Variants in AIRE observed in about 807,000 individuals in gnomAD.
AIRE encodes the protein autoimmune polyendocrinopathy candidiasis ectodermal dystrophy protein.
A neutral mutation model predicts 62.1 loss-of-function variants in AIRE; 52 were observed. That is an observed-to-expected ratio of 0.84 (90% CI 0.67 to 1.06). The LOEUF is 1.06. Among genes scored for constraint, AIRE ranks in the 50% least tolerant of loss-of-function variants. The probability of loss-of-function intolerance (pLI) is 0.00; values close to 1 mark genes in which losing one functional copy is unlikely to be tolerated. For synonymous variants in AIRE, 342 were observed against 321.6 expected (o/e 1.06, Z -0.68); for missense variants, 774 against 755.8 (o/e 1.02, Z -0.28).
rs759665283 is a variant in AIRE at position 44,293,106 on chromosome 21, A to G, written c.1209A>G (p.Ala403=). ...AGCACCTGCCGGCTCCGCCTTCTGCAGCCCCGCTGCCAGGGCTGGACTCCT... is the reference window on the plus strand; with the variant it reads ...AGCACCTGCCGGCTCCGCCTTCTGCGGCCCCGCTGCCAGGGCTGGACTCCT... ...VYKHLPAPPS[A]APLPGLDSSA... is the part of the protein sequence containing the mutation. Residue 403 remains alanine (A), a synonymous_variant, in exon 10 of 14, where the codon GCA becomes GCG. Coordinates refer to ENST00000291582, the MANE Select transcript of AIRE (RefSeq NM_000383.4). 1.2e-6 allele frequency: 2 copies of G among 1,607,598 alleles called. No homozygotes were observed. The highest frequency in any genetic ancestry group is 8.5e-7 in the Non-Finnish European group (1 of 1,177,876).
chr21:44,288,526 G>A (rs1048190979), intron 5 of AIRE, 68 bp downstream of exon 5: 60 of 1,188,760 alleles, frequency 5.0e-5, no homozygotes, highest in African/African-American at 1.2e-4. Context: ...GGAGGACCAC[G>A]CCCCTTTGCA....
Position 44,292,357 on chromosome 21 carries a change from C to A in AIRE, c.1051C>A (p.Arg351=). ...GGCAACAGTCCAGGAGGTGCAGCCC[C>A]GGGCAGAGGAGCCCCGGCCCCAGGA... ...LQATVQEVQP[R]AEEPRPQEPP... Residue 351 remains arginine (R), a synonymous_variant, in exon 9 of 14, where the codon CGG becomes AGG. Transcript: ENST00000291582. 1.3e-6 allele frequency: 2 copies of A among 1,572,298 alleles called. No individual in the cohort carries two copies. The highest frequency in any genetic ancestry group is 2.7e-5 in the African/African-American group (2 of 74,342).
At chr21:44,291,266 A>G (rs1304534084) in intron 8 of AIRE, 56 bp downstream of exon 8, 1 of 1,582,850 alleles carries the variant, frequency 6.3e-7, no homozygotes, top group Non-Finnish European at 8.5e-7. Flanking sequence ...GGCCGCCTCC[A>G]CCCACTGACC....
intron 8 of AIRE, among the ~76,000 whole-genome samples, chr21:44,291,604 C>G (rs942434652): frequency 6.6e-6 from 1 of 152,184 alleles, no homozygotes; most frequent in African/African-American, 2.4e-5. Flanking sequence ...GCTGTGCCCC[C>G]CAGGGCAGGT....
rs179363878 is a variant in AIRE, at chr21:44,286,089, T to C, written c.83T>C (p.Leu28Pro). The C allele has an allele frequency of 2.7e-5, 42 of 1,546,060 alleles. No homozygotes were observed. The highest frequency in any genetic ancestry group is 3.4e-5 in the Non-Finnish European group (39 of 1,146,546). The change falls in exon 1 of 14, where the codon CTG (leucine) becomes CCG (proline). Residue 28 changes from leucine (L) to proline (P), a missense_variant. Leu to Pro is a moderately conservative substitution (Grantham distance 98). Transcript: ENST00000291582. This position sits in a 1 kb window ranked among gnomAD's most constrained non-coding sequence, Gnocchi z 6.0. ...GTGGCCGTGGACAGCGCCTTCCCAC[T>C]GCTGCACGCGCTGGCTGACCACGAC... The part of the protein sequence containing the change: ...IAVAVDSAFP[L>P]LHALADHDVV...
Position 44,286,059 on chromosome 21 carries a change from T to C in AIRE, c.53T>C (p.Ile18Thr). ...CTTCTGAGGCTGCACCGCACGGAGA[T>C]CGCGGTGGCCGTGGACAGCGCCTTC... ...RRLLRLHRTE[I>T]AVAVDSAFPL... The change falls in exon 1 of 14, where the codon ATC becomes ACC. Residue 18 changes from isoleucine to threonine, a missense_variant. Physicochemically the swap from Ile to Thr is moderately conservative, Grantham distance 89. Transcript: ENST00000291582. This position sits in a 1 kb window ranked among gnomAD's most constrained non-coding sequence, Gnocchi z 6.0. 6.5e-7 allele frequency: 1 copy of C among 1,541,558 alleles called. No individual in the cohort carries two copies. The highest frequency in any genetic ancestry group is 8.7e-7 in the Non-Finnish European group (1 of 1,145,912).
At chr21:44,292,452 A>G in intron 9 of AIRE, 51 bp downstream of exon 9, 1 of 1,308,512 alleles carries the variant, frequency 7.6e-7, no homozygotes, top group Non-Finnish European at 1.1e-6. Flanking sequence ...CCACATGGCC[A>G]CGCCCCCTCC....
intron 5 of AIRE, 84 bp downstream of exon 5, chr21:44,288,542 G>A: frequency 9.8e-7 from 1 of 1,021,106 alleles, no homozygotes; most frequent in Non-Finnish European, 1.5e-6. Context: ...TTGCATCCTG[G>A]TGGTCCCACA....
Position 44,286,741 on chromosome 21 carries a change from G to T in AIRE, c.307+10G>T, listed in dbSNP as rs1335662814. ...GACAGCTTCCCCAAAGGTGGGTCCT[G>T]GTGGACTCAGCCATGCTGGGGGCCT... On this transcript the variant is annotated intron_variant, in intron 2 of 13. Coordinates refer to ENST00000291582, the MANE Select transcript of AIRE (RefSeq NM_000383.4). This position sits in a 1 kb window ranked among gnomAD's most constrained non-coding sequence, Gnocchi z 6.0. 2.5e-6 allele frequency: 4 copies of T among 1,612,618 alleles called. No homozygotes were observed. Among genetic ancestry groups the T allele is most frequent in the Non-Finnish European group, 3.4e-6 (4 of 1,179,866 alleles).
chr21:44,295,015 G>A (rs774261565), intron 12 of AIRE, among the ~76,000 whole-genome samples: 35 of 152,198 alleles, frequency 2.3e-4, no homozygotes, highest in African/African-American at 7.5e-4. Flanking sequence ...TGGGTGGCGC[G>A]GAGACCCCTG....
rs1327799658 is a variant in AIRE at position 44,293,103 on chromosome 21, T to C, written c.1206T>C (p.Ser402=). The C allele has an allele frequency of 3.1e-6, 5 of 1,608,300 alleles. No homozygotes were observed. Among genetic ancestry groups the C allele is most frequent in the South Asian group, 1.1e-5 (1 of 90,382 alleles). The change falls in exon 10 of 14, where the codon TCT becomes TCC. Residue 402 remains serine, a synonymous_variant. Transcript: ENST00000291582. ...ACAAGCACCTGCCGGCTCCGCCTTC[T>C]GCAGCCCCGCTGCCAGGGCTGGACT... The part of the protein sequence containing the change: ...LVYKHLPAPP[S]AAPLPGLDSS...
intron 5 of AIRE, 121 bp downstream of exon 5, chr21:44,288,579 C>G: frequency 1.4e-6 from 1 of 719,298 alleles, no homozygotes; most frequent in Middle Eastern, 3.6e-4. Context: ...CTCAGGTAGC[C>G]AGAGTTTCTG....
intron 10 of AIRE, 34 bp downstream of exon 10, chr21:44,293,209 C>G: frequency 4.6e-6 from 7 of 1,517,250 alleles, no homozygotes; most frequent in Non-Finnish European, 6.2e-6. Flanking sequence ...GTGGGCTCTT[C>G]AAGGAGCCCA....
chr21:44,292,729 C>A (rs1189522724), intron 9 of AIRE, among the ~76,000 whole-genome samples: 1 of 152,142 alleles, frequency 6.6e-6, no homozygotes, highest in Non-Finnish European at 1.5e-5. Flanking sequence ...GTGCACAGAC[C>A]CAGTGTTCCC....
chr21:44,297,846 T>G lies in AIRE; in HGVS notation c.*119T>G. 1.1e-6 allele frequency: 1 copy of G among 936,894 alleles called. No individual in the cohort carries two copies. Among genetic ancestry groups the G allele is most frequent in the Admixed American group, 2.0e-5 (1 of 50,110 alleles). 58.0% of individuals were successfully genotyped at this position (936,894 alleles called of 1,614,324 possible). A position where few individuals can be genotyped will look rare whatever the true frequency, so the allele number is the denominator to read the frequency against. ...AGGGGACAGCGCCACCTCTTGTCAG[T>G]GCTCGGCTGTAAACAGCTCTGTGTT... On this transcript the variant is annotated 3_prime_UTR_variant, in exon 14 of 14. Coordinates refer to ENST00000291582, the MANE Select transcript of AIRE (RefSeq NM_000383.4). The surrounding 1 kb of genome is among the most constrained non-coding windows in gnomAD (Gnocchi z 4.8).
intron 9 of AIRE, among the ~76,000 whole-genome samples, chr21:44,292,781 G>T (rs960626458): frequency 2.0e-5 from 3 of 152,050 alleles, no homozygotes; most frequent in African/African-American, 7.2e-5. Context: ...GTGTGTAGAC[G>T]GGGGAGGAGG....
At position 44,287,440 on chromosome 21, in the gene AIRE, C is replaced by G. The variant is rs2040493930; in HGVS notation, c.464-77C>G. ...ACTGGACCGCCCCCTCCACGCCCTC[C>G]CACCGCGGGCCCCTGCCCACCGGCA... On this transcript the variant is annotated intron_variant, in intron 3 of 13. Transcript: ENST00000291582. This position sits in a 1 kb window ranked among gnomAD's most constrained non-coding sequence, Gnocchi z 4.3. The G allele has an allele frequency of 9.5e-7, 1 of 1,055,592 alleles. No homozygotes were observed. Among genetic ancestry groups the G allele is most frequent in the Admixed American group, 2.0e-5 (1 of 49,874 alleles). 65.4% of individuals were successfully genotyped at this position (1,055,592 alleles called of 1,614,324 possible). A position where few individuals can be genotyped will look rare whatever the true frequency, so the allele number is the denominator to read the frequency against.
Position 44,287,796 on chromosome 21 carries a change from G to A in AIRE, c.538+205G>A, listed in dbSNP as rs377214946. On this transcript the variant is annotated intron_variant, in intron 4 of 13. Transcript: ENST00000291582. The surrounding 1 kb of genome is among the most constrained non-coding windows in gnomAD (Gnocchi z 4.3). ...AAGCATGATCTTGCCAGTCGCCCCT[G>A]CCCCCACTGCACCCTGGTTCTGGGA... Among the ~76,000 whole-genome samples, 3 of 152,156 alleles carry A rather than the reference G, an allele frequency of 2.0e-5. No individual in the cohort carries two copies. The East Asian group carries it at 5.8e-4, about 29-fold the overall frequency.
At chr21:44,294,953 G>A (rs1255562265) in intron 12 of AIRE, among the ~76,000 whole-genome samples, 2 of 152,174 alleles carry the variant, frequency 1.3e-5, no homozygotes, top group Non-Finnish European at 2.9e-5. Flanking sequence ...AAGTGACCCC[G>A]GGTCCAGCCA....
Sources: allele counts gnomAD v4.1 joint callset (sites outside exome capture counted in the v4.1 genomes callset), GRCh38; gene constraint gnomAD v4.1.1; non-coding constraint Gnocchi (gnomAD v3.1); transcripts MANE v1.5; gene names NCBI Gene and HGNC (gene_info 2026-07-23, HGNC 2026-07-21).